The following TRAF3 variants were observed in gnomAD, a reference collection of about 807,000 sequenced individuals.
The protein encoded by TRAF3 is TNF receptor associated factor 3.
A neutral mutation model predicts 62.3 loss-of-function variants in TRAF3; 13 were observed. The observed-to-expected ratio is 0.21, with a 90% CI of 0.14 to 0.33. The LOEUF (loss-of-function observed/expected upper bound fraction) is 0.33, where lower values mean the gene tolerates loss of function less well. Among genes scored for constraint, TRAF3 ranks in the 10% least tolerant of loss-of-function variants. The pLI, the probability that TRAF3 is intolerant of heterozygous loss-of-function variation, is 1.00. For missense variants in TRAF3, 440 were observed against 741.8 expected, an observed-to-expected ratio of 0.59 and a Z score of 4.73; for synonymous variants, 269 against 283.4, an observed-to-expected ratio of 0.95 and a Z score of 0.51.
chr14:102,813,285 A>G (rs1267010665), intron 1 of TRAF3, among the ~76,000 whole-genome samples: 3 of 151,676 alleles, frequency 2.0e-5, no homozygotes, highest in African/African-American at 7.3e-5. Flanking sequence ...TGTATTTTTG[A>G]TAATAGCCAT....
intron 1 of TRAF3, among the ~76,000 whole-genome samples, chr14:102,779,643 A>G (rs1897189941): frequency 6.6e-6 from 1 of 152,170 alleles, no homozygotes; most frequent in Non-Finnish European, 1.5e-5. Context: ...TATGCTAATG[A>G]TATTGTCAGG....
In TRAF3 at chr14:102,907,160, C is replaced by T. The variant is rs1359446742; in HGVS notation, c.*1376C>T. On this transcript the variant is annotated 3_prime_UTR_variant, in exon 12 of 12. Transcript: ENST00000392745. ...GGTCCAAGTACGGCCTGGTCCCACC[C>T]TGAGGGAGGCAGGTGTGGAACAGAA... 2 of 152,270 alleles carry T rather than the reference C, an allele frequency of 1.3e-5. No homozygotes were observed. Among genetic ancestry groups the T allele is most frequent in the African/African-American group, 2.4e-5 (1 of 41,458 alleles). The allele number at this position is 152,270 out of a possible 1,614,324, so 9.4% of individuals were successfully genotyped here.
In TRAF3 at chr14:102,884,316, C is replaced by A. The variant is rs147661266; in HGVS notation, c.571-1873C>A. ...GTCTTTAGATTTAGGGTCTGCCCGACGCCAGGGTGTCTTCGTCTTAACTGA... is the reference window on the plus strand; with the variant it reads ...GTCTTTAGATTTAGGGTCTGCCCGAAGCCAGGGTGTCTTCGTCTTAACTGA... On this transcript the variant is annotated intron_variant, in intron 6 of 11. Coordinates refer to ENST00000392745, the MANE Select transcript of TRAF3 (RefSeq NM_145725.3). Among the ~76,000 whole-genome samples the A allele has an allele frequency of 2.4e-4, 36 of 152,282 alleles. No individual in the cohort carries two copies. In the East Asian group the frequency reaches 6.0e-3, roughly 25 times the overall value.
chr14:102,796,048 C>G (rs1898065958), intron 1 of TRAF3, among the ~76,000 whole-genome samples: 1 of 152,140 alleles, frequency 6.6e-6, no homozygotes, highest in Non-Finnish European at 1.5e-5. Flanking sequence ...GAAACCCCAT[C>G]TCTACTAAAA....
At chr14:102,820,097 CTGT>C (rs1326526347) in intron 1 of TRAF3, among the ~76,000 whole-genome samples, 1 of 152,212 alleles carries the variant, frequency 6.6e-6, no homozygotes, top group South Asian at 2.1e-4. Flanking sequence ...CCGGCAGGTC[CTGT>C]TGTTCTCCCT....
intron 2 of TRAF3, among the ~76,000 whole-genome samples, chr14:102,846,008 AAT>A (rs869203051): frequency 2.3e-4 from 21 of 90,786 alleles, no homozygotes; most frequent in East Asian, 4.2e-4. Flanking sequence ...AAAAAAAAAA[AAT>A]ACTATTATAC....
intron 11 of TRAF3, among the ~76,000 whole-genome samples, chr14:102,904,912 G>A (rs1000384267): frequency 2.0e-5 from 3 of 151,638 alleles, no homozygotes; most frequent in African/African-American, 4.9e-5. Context: ...AGAAGTTCGA[G>A]ACCAGCCTGG....
At chr14:102,880,303 AC>A (rs1322125365) in intron 6 of TRAF3, among the ~76,000 whole-genome samples, 1 of 152,236 alleles carries the variant, frequency 6.6e-6, no homozygotes, top group Non-Finnish European at 1.5e-5. Flanking sequence ...ACAAAGTGAG[AC>A]CCCATCTCTA....
intron 1 of TRAF3, among the ~76,000 whole-genome samples, chr14:102,781,010 A>G (rs1374748157): frequency 6.6e-6 from 1 of 152,236 alleles, no homozygotes; most frequent in Admixed American, 6.5e-5. Flanking sequence ...AAGAAACCAG[A>G]AAGTAAAAAT....
intron 1 of TRAF3, among the ~76,000 whole-genome samples, chr14:102,797,381 T>C (rs1898149965): frequency 6.6e-6 from 1 of 152,174 alleles, no homozygotes; most frequent in South Asian, 2.1e-4. Context: ...CTCTTTTACG[T>C]GTAACACTAC....
intron 1 of TRAF3, among the ~76,000 whole-genome samples, chr14:102,805,913 A>G (rs1898743972): frequency 6.7e-6 from 1 of 149,048 alleles, no homozygotes; most frequent in African/African-American, 2.5e-5. Flanking sequence ...TTAAGTGAAC[A>G]TTTCAAACTT....
At chr14:102,798,911 T>C (rs1473789595) in intron 1 of TRAF3, among the ~76,000 whole-genome samples, 1 of 152,158 alleles carries the variant, frequency 6.6e-6, no homozygotes, top group Non-Finnish European at 1.5e-5. Flanking sequence ...AACGTGACAC[T>C]TTATGAAGGA....
chr14:102,807,414 TTCC>T (rs1359574166), intron 1 of TRAF3, among the ~76,000 whole-genome samples: 14 of 152,196 alleles, frequency 9.2e-5, no homozygotes. Context: ...GTCCTACAGT[TTCC>T]TCCTCAGCCA....
chr14:102,780,762 C>G (rs1897242206), intron 1 of TRAF3, among the ~76,000 whole-genome samples: 1 of 152,108 alleles, frequency 6.6e-6, no homozygotes, highest in Admixed American at 6.6e-5. Context: ...TCATAATGTT[C>G]TGGTTACCGT....
At chr14:102,815,773 G>A (rs771057426) in intron 1 of TRAF3, among the ~76,000 whole-genome samples, 1 of 152,146 alleles carries the variant, frequency 6.6e-6, no homozygotes, top group African/African-American at 2.4e-5. Context: ...CAAGGCAGAC[G>A]GGGAAGCAGG....
At chr14:102,781,515 TC>T (rs1290480649) in intron 1 of TRAF3, among the ~76,000 whole-genome samples, 2 of 152,128 alleles carry the variant, frequency 1.3e-5, no homozygotes, top group Non-Finnish European at 2.9e-5. Flanking sequence ...AACAGCCCCT[TC>T]CTAGCCTGGC....
At chr14:102,834,746 AC>A (rs1885886835) in intron 2 of TRAF3, among the ~76,000 whole-genome samples, 1 of 151,966 alleles carries the variant, frequency 6.6e-6, no homozygotes, top group African/African-American at 2.4e-5. Flanking sequence ...ACAAAAATCA[AC>A]AAAAGATGGA....
intron 1 of TRAF3, among the ~76,000 whole-genome samples, chr14:102,796,886 G>A (rs1366696025): frequency 1.3e-5 from 2 of 152,222 alleles, no homozygotes; most frequent in Non-Finnish European, 2.9e-5. Flanking sequence ...GATAGCATAA[G>A]GGACAGAATC....
chr14:102,838,731 C>A (rs1595348986), intron 2 of TRAF3, among the ~76,000 whole-genome samples: 1 of 152,116 alleles, frequency 6.6e-6, no homozygotes, highest in Non-Finnish European at 1.5e-5. Context: ...GCTGAGCCAG[C>A]AGGGCAGGGT....
Sources: allele counts gnomAD v4.1 joint callset (sites outside exome capture counted in the v4.1 genomes callset), GRCh38; gene constraint gnomAD v4.1.1; transcripts MANE v1.5; gene names NCBI Gene and HGNC (gene_info 2026-07-23, HGNC 2026-07-21).